NCOA3: variants seen among roughly 807,000 people sequenced by gnomAD.
The protein encoded by NCOA3 is CBP-interacting protein.
In NCOA3, 51 loss-of-function variants were observed where a neutral mutation model predicts 158.8. The ratio of observed to expected loss-of-function variants is 0.32; its 90% CI spans 0.26 to 0.41. The LOEUF is 0.41. Ranked by LOEUF, NCOA3 falls within the 10% of genes least tolerant of loss-of-function variation. NCOA3 has a pLI of 1.00. For missense variants in NCOA3, 1,510 were observed against 1,746.6 expected (o/e 0.86, Z 2.41); for synonymous variants, 537 against 592.4 (o/e 0.91, Z 1.36).
intron 2 of NCOA3, among the ~76,000 whole-genome samples, chr20:47,593,497 A>T (rs1267757376): frequency 1.3e-5 from 2 of 149,364 alleles, no homozygotes; most frequent in Non-Finnish European, 3.0e-5. Flanking sequence ...GCCCGCCACC[A>T]CGCCCGGCTA....
intron 17 of NCOA3, among the ~76,000 whole-genome samples, chr20:47,646,216 T>A (rs2086683387): frequency 1.3e-5 from 2 of 152,238 alleles, no homozygotes; most frequent in Admixed American, 1.3e-4. Context: ...GTTATGTATA[T>A]TATATAGTTG....
At chr20:47,647,915 TTTTG>T (rs1161367595) in intron 18 of NCOA3, among the ~76,000 whole-genome samples, 5 of 125,096 alleles carry the variant, frequency 4.0e-5, no homozygotes, top group Admixed American at 7.7e-5. Context: ...GTTTGTTTTG[TTTTG>T]TTTTTTTTTT....
Position 47,647,055 on chromosome 20 carries a change from T to A in NCOA3, c.3253-18T>A. ...TTCATAGATGTTCTTCACTGTTCTT[T>A]TATGTGTTGTGTTTAAGGGACAGGC... On this transcript the variant is annotated intron_variant, in intron 17 of 22. Coordinates refer to ENST00000371998, the MANE Select transcript of NCOA3 (RefSeq NM_181659.3). 3 of 1,601,256 alleles carry A rather than the reference T, an allele frequency of 1.9e-6. No homozygotes were observed. The Admixed American group carries it at 5.1e-5, about 27-fold the overall frequency.
intron 1 of NCOA3, among the ~76,000 whole-genome samples, chr20:47,529,473 T>C (rs2084511394): frequency 6.6e-6 from 1 of 152,156 alleles, no homozygotes; most frequent in Admixed American, 6.5e-5. Flanking sequence ...AGTGCAGTGG[T>C]GTGATCTTGG....
At chr20:47,618,992 T>C in intron 2 of NCOA3, among the ~76,000 whole-genome samples, 1 of 152,218 alleles carries the variant, frequency 6.6e-6, no homozygotes, top group Non-Finnish European at 1.5e-5. Flanking sequence ...AAGTAAACAT[T>C]TAAAAAGTTT....
At chr20:47,529,133 T>C (rs1486497995) in intron 1 of NCOA3, among the ~76,000 whole-genome samples, 1 of 151,408 alleles carries the variant, frequency 6.6e-6, no homozygotes, top group Non-Finnish European at 1.5e-5. Flanking sequence ...AAAAAATTTT[T>C]TTTCTTTTTT....
rs1032834871 is a variant in NCOA3 at position 47,633,400 on chromosome 20, C to A, written c.824-96C>A. On this transcript the variant is annotated intron_variant, in intron 8 of 22. Coordinates refer to ENST00000371998, the MANE Select transcript of NCOA3 (RefSeq NM_181659.3). ...AGAAGGTGGAGCAAAGATTTAATATCTTTTATTTTATTCTCCAGTGCTAAG... is the reference window on the plus strand; with the variant it reads ...AGAAGGTGGAGCAAAGATTTAATATATTTTATTTTATTCTCCAGTGCTAAG... 2.8e-5 allele frequency: 33 copies of A among 1,194,308 alleles called. No individual in the cohort carries two copies. The African/African-American group carries it at 4.5e-4, about 16-fold the overall frequency. 74.0% of individuals were successfully genotyped at this position (1,194,308 alleles called of 1,614,324 possible). A position where few individuals can be genotyped will look rare whatever the true frequency, so the allele number is the denominator to read the frequency against.
intron 1 of NCOA3, among the ~76,000 whole-genome samples, chr20:47,544,981 A>C (rs1271529902): frequency 6.6e-6 from 1 of 152,018 alleles, no homozygotes; most frequent in African/African-American, 2.4e-5. Flanking sequence ...TATGTTTGAG[A>C]AGTTTGTCTG....
chr20:47,641,922 G>GC (rs2086618632), intron 16 of NCOA3, among the ~76,000 whole-genome samples: 1 of 151,790 alleles, frequency 6.6e-6, no homozygotes, highest in Non-Finnish European at 1.5e-5. Context: ...CCTCCCCCTG[G>GC]CCCCCATTTC....
intron 1 of NCOA3, among the ~76,000 whole-genome samples, chr20:47,521,206 C>T (rs1035005154): frequency 7.2e-5 from 11 of 152,184 alleles, no homozygotes; most frequent in Non-Finnish European, 1.5e-4. Flanking sequence ...CCCCTGAGGC[C>T]GCCACAAGGG....
chr20:47,588,440 C>T (rs1015351073), intron 2 of NCOA3, among the ~76,000 whole-genome samples: 1 of 152,006 alleles, frequency 6.6e-6, no homozygotes, highest in Non-Finnish European at 1.5e-5. Flanking sequence ...CGACCTCCAC[C>T]CCACTTTTAC....
intron 1 of NCOA3, among the ~76,000 whole-genome samples, chr20:47,582,357 G>T (rs1206872): frequency 0.018 from 2,783 of 152,034 alleles, 89 homozygotes; most frequent in African/African-American, 0.063. Flanking sequence ...GACTACAGGC[G>T]CATGCCATCA....
At chr20:47,511,823 AC>A (rs1416466627) in intron 1 of NCOA3, among the ~76,000 whole-genome samples, 7 of 151,944 alleles carry the variant, frequency 4.6e-5, no homozygotes, top group Non-Finnish European at 1.0e-4. Context: ...ATAAGTGGGA[AC>A]TATGCTACAC....
In NCOA3 at chr20:47,633,652, GT is replaced by G. The variant is rs1047983204; in HGVS notation, c.964+18del. 1 of 1,607,190 alleles carries G rather than the reference GT, an allele frequency of 6.2e-7. No homozygotes were observed. Among genetic ancestry groups the G allele is most frequent in the African/African-American group, 1.3e-5 (1 of 74,330 alleles). On this transcript the variant is annotated intron_variant, in intron 9 of 22. Coordinates refer to ENST00000371998, the MANE Select transcript of NCOA3 (RefSeq NM_181659.3). ...TATCAAGAAGGTAAAGAATTTTGGG[GT>G]TGATTGTTCTTATCATTTTATTCTT...
intron 19 of NCOA3, 95 bp downstream of exon 19, chr20:47,649,204 A>C (rs967061857): frequency 3.2e-6 from 2 of 630,364 alleles, no homozygotes; most frequent in African/African-American, 3.7e-5. Flanking sequence ...TAAACAAATG[A>C]AGGTAATTCT....
chr20:47,626,068 G>C (rs1602505536), intron 5 of NCOA3, among the ~76,000 whole-genome samples: 1 of 152,194 alleles, frequency 6.6e-6, no homozygotes, highest in Admixed American at 6.5e-5. Context: ...AGATACTGGG[G>C]TATGATGACT....
At position 47,639,957 on chromosome 20, in the gene NCOA3, A is replaced by G. The variant is rs1351426303; in HGVS notation, c.2986A>G (p.Asn996Asp). ...TGAAATCCCCATGGGAATGGGGGCT[A>G]ATCCCTATGGCCAAGCAGCAGCATC... ...PGEIPMGMGA[N>D]PYGQAAASNQ... The change falls in exon 16 of 23, where the codon AAT becomes GAT. Residue 996 changes from asparagine to aspartate, a missense_variant. Asn to Asp is a conservative substitution (Grantham distance 23). This residue lies in a region of NCOA3 where 1,017 missense variants were observed against 1,098.3 expected (regional missense o/e 0.93). Coordinates refer to ENST00000371998, the MANE Select transcript of NCOA3 (RefSeq NM_181659.3). 6.2e-7 allele frequency: 1 copy of G among 1,614,080 alleles called. No individual in the cohort carries two copies.
chr20:47,566,675 C>A (rs1373405271), intron 1 of NCOA3, among the ~76,000 whole-genome samples: 1 of 152,076 alleles, frequency 6.6e-6, no homozygotes, highest in Admixed American at 6.6e-5. Flanking sequence ...CCATGCCCAG[C>A]TAATTTTTGT....
chr20:47,638,295 AGCTACTCGGGAG>A (rs2086549199), intron 13 of NCOA3, among the ~76,000 whole-genome samples: 1 of 152,224 alleles, frequency 6.6e-6, no homozygotes, highest in African/African-American at 2.4e-5. Flanking sequence ...CTGTGGTCCC[AGCTACTCGGGAG>A]GCTAAGGCAT....
Sources: allele counts gnomAD v4.1 joint callset (sites outside exome capture counted in the v4.1 genomes callset), GRCh38; gene constraint gnomAD v4.1.1; regional missense constraint gnomAD v4.1.1; transcripts MANE v1.5; gene names NCBI Gene and HGNC (gene_info 2026-07-23, HGNC 2026-07-21).